Variants in PTGFRN observed in about 807,000 individuals in gnomAD.
The protein encoded by PTGFRN is prostaglandin F2 receptor inhibitor.
A neutral mutation model predicts 83.2 loss-of-function variants in PTGFRN; 35 were observed. The observed-to-expected ratio is 0.42, with a 90% CI of 0.32 to 0.56. PTGFRN has a LOEUF of 0.56. Among genes scored for constraint, PTGFRN ranks in the 20% least tolerant of loss-of-function variants. PTGFRN has a pLI of 0.11. For synonymous variants in PTGFRN, 519 were observed against 498.6 expected (o/e 1.04, Z -0.55); for missense variants, 1,051 against 1,179.5 (o/e 0.89, Z 1.60).
chr1:116,960,049 T>G (rs1404232662), intron 4 of PTGFRN, among the ~76,000 whole-genome samples: 1 of 152,068 alleles, frequency 6.6e-6, no homozygotes, highest in African/African-American at 2.4e-5. Flanking sequence ...ATTTACTGAG[T>G]GCCTACTGCA....
At chr1:116,965,806 G>A (rs1650811214) in intron 5 of PTGFRN, among the ~76,000 whole-genome samples, 1 of 152,076 alleles carries the variant, frequency 6.6e-6, no homozygotes. Flanking sequence ...AGGGATTTTT[G>A]TATTTATTTG....
At position 116,984,713 on chromosome 1, in the gene PTGFRN, T is replaced by C; in HGVS notation, c.2201T>C (p.Val734Ala). The change falls in exon 8 of 9, where the codon GTG becomes GCG. Residue 734 changes from valine to alanine, a missense_variant. Val to Ala is a moderately conservative substitution (Grantham distance 64). Coordinates refer to ENST00000393203, the MANE Select transcript of PTGFRN (RefSeq NM_020440.4). ...GCCTTTGATGTGTCCTGGTTTGCGG[T>C]GCACTCTTTTGGCCTGGACAAGGCT... The part of the protein sequence containing the change: ...DMAFDVSWFA[V>A]HSFGLDKAPV... 1 of 1,614,174 alleles carries C rather than the reference T, an allele frequency of 6.2e-7. No homozygotes were observed.
chr1:116,942,632 G>A (rs1650091527), intron 2 of PTGFRN, among the ~76,000 whole-genome samples: 1 of 152,216 alleles, frequency 6.6e-6, no homozygotes, highest in Admixed American at 6.5e-5. Context: ...CAAAGTTCAT[G>A]TCTTTCTCTG....
intron 1 of PTGFRN, among the ~76,000 whole-genome samples, chr1:116,919,825 T>C (rs529170852): frequency 6.6e-6 from 1 of 152,332 alleles, no homozygotes; most frequent in African/African-American, 2.4e-5. Flanking sequence ...TGTGATAACA[T>C]TTGTTTCCTT....
rs756460965 is a variant in PTGFRN at position 116,984,938 on chromosome 1, A to C, written c.2426A>C (p.Glu809Ala). The change falls in exon 8 of 9, where the codon GAG becomes GCG. Residue 809 changes from glutamate (E) to alanine (A), a missense_variant. By Grantham distance (107) the Glu-to-Ala change is moderately radical. Transcript: ENST00000393203. The part of the protein sequence containing the change: ...VKSPTGSWQK[E>A]AEIHSKPVFI... ...TCACCAACAGGTTCCTGGCAGAAGG[A>C]GGCAGAGATCCACTCCAAGCCCGTT... 2.0e-5 allele frequency: 33 copies of C among 1,614,060 alleles called. No homozygotes were observed. The highest frequency in any genetic ancestry group is 2.8e-5 in the Non-Finnish European group (33 of 1,180,028).
In PTGFRN at chr1:116,949,548, G is replaced by T; in HGVS notation, c.1189G>T (p.Ala397Ser). Residue 397 changes from alanine to serine, a missense_variant, in exon 4 of 9, where the codon GCT becomes TCT. This residue lies in a region of PTGFRN where 719 missense variants were observed against 836.6 expected (regional missense o/e 0.86). Transcript: ENST00000393203. ...HKVAEAVSSP[A>S]GVGVTWLEPD... ...AGTGGCAGAGGCCGTGTCTTCCCCAGCTGGTGTGGGTGTGACCTGGCTAGG... is the reference window on the plus strand; with the variant it reads ...AGTGGCAGAGGCCGTGTCTTCCCCATCTGGTGTGGGTGTGACCTGGCTAGG... 6.2e-7 allele frequency: 1 copy of T among 1,613,498 alleles called. No individual in the cohort carries two copies. Among genetic ancestry groups the T allele is most frequent in the Non-Finnish European group, 8.5e-7 (1 of 1,179,946 alleles).
rs143295352 is a variant in PTGFRN at position 116,946,191 on chromosome 1, G to A, written c.832+1099G>A. Among the ~76,000 whole-genome samples the A allele has an allele frequency of 3.8e-3, 578 of 152,296 alleles. 4 individuals carry two copies. The highest frequency in any genetic ancestry group is 3.2e-3 in the Non-Finnish European group (219 of 68,010). On this transcript the variant is annotated intron_variant, in intron 3 of 8. Transcript: ENST00000393203. The stretch of plus-strand genomic sequence containing the variant: ...CTCTGTTACTCAGATGGGAAGGAAA[G>A]CAGGAAACAACACGCAGGGGGAATA...
intron 1 of PTGFRN, 146 bp downstream of exon 1, chr1:116,910,398 CG>C (rs942578681): frequency 3.1e-5 from 20 of 649,190 alleles, no homozygotes; most frequent in Non-Finnish European, 3.6e-5. Context: ...GCGGGTTGTT[CG>C]GCCCGGCGGG....
At chr1:116,916,393 G>C (rs1649407096) in intron 1 of PTGFRN, among the ~76,000 whole-genome samples, 1 of 152,186 alleles carries the variant, frequency 6.6e-6, no homozygotes, top group African/African-American at 2.4e-5. Flanking sequence ...ATGAAATAGA[G>C]ATAGTGGGCA....
chr1:116,938,814 G>C (rs564564663), intron 1 of PTGFRN, among the ~76,000 whole-genome samples: 16 of 152,298 alleles, frequency 1.1e-4, no homozygotes, highest in Non-Finnish European at 1.9e-4. Flanking sequence ...ATAAAAAGTA[G>C]GTTAGTTACT....
intron 1 of PTGFRN, among the ~76,000 whole-genome samples, chr1:116,914,017 T>C (rs185226614): frequency 1.3e-5 from 2 of 152,372 alleles, no homozygotes; most frequent in East Asian, 3.9e-4. Flanking sequence ...TCAGGTAGGC[T>C]AAACTGCTCT....
At chr1:116,959,898 C>T (rs548809126) in intron 4 of PTGFRN, among the ~76,000 whole-genome samples, 1 of 152,074 alleles carries the variant, frequency 6.6e-6, no homozygotes, top group Admixed American at 6.5e-5. Context: ...AACGCTGGAA[C>T]CTGGGAGGCA....
intron 6 of PTGFRN, among the ~76,000 whole-genome samples, chr1:116,972,503 T>C (rs1287419803): frequency 6.6e-5 from 10 of 152,190 alleles, no homozygotes. Flanking sequence ...AAAATGAAAA[T>C]ATAGCCCTTT....
chr1:116,973,604 CAAAAAA>C (rs547665093), intron 6 of PTGFRN, among the ~76,000 whole-genome samples: 1 of 107,148 alleles, frequency 9.3e-6, no homozygotes, highest in Admixed American at 1.1e-4. Context: ...GACTCAATCT[CAAAAAA>C]AAAAAAAAAA....
At chr1:116,978,163 A>G (rs1311636111) in intron 7 of PTGFRN, among the ~76,000 whole-genome samples, 2 of 152,240 alleles carry the variant, frequency 1.3e-5, no homozygotes, top group Admixed American at 1.3e-4. Context: ...CCCTCCCAAG[A>G]CTAAACCAGG....
rs563122457 is a variant in PTGFRN at position 116,941,377 on chromosome 1, A to G, written c.50-338A>G. The stretch of plus-strand genomic sequence containing the variant: ...TGCCCTTTTATTTCACACAAAACCT[A>G]AAATATTTTTACATCACATGGAGTG... On this transcript the variant is annotated intron_variant, in intron 1 of 8. Coordinates refer to ENST00000393203, the MANE Select transcript of PTGFRN (RefSeq NM_020440.4). This position sits in a 1 kb window ranked among gnomAD's most constrained non-coding sequence, Gnocchi z 5.0. Among the ~76,000 whole-genome samples the G allele has an allele frequency of 1.3e-5, 2 of 152,272 alleles. No individual in the cohort carries two copies. Among genetic ancestry groups the G allele is most frequent in the African/African-American group, 4.8e-5 (2 of 41,548 alleles).
At chr1:116,928,194 G>A (rs1649702814) in intron 1 of PTGFRN, among the ~76,000 whole-genome samples, 1 of 152,130 alleles carries the variant, frequency 6.6e-6, no homozygotes, top group South Asian at 2.1e-4. Flanking sequence ...AACAGACTTT[G>A]TGAGATTTAA....
In PTGFRN at chr1:116,958,007, C is replaced by G. The variant is rs1557742969; in HGVS notation, c.1214-3236C>G. ...TGTATATATACCATATTTTTTTAAT[C>G]CATTCATCTGTTGATGGACACGGGT... On this transcript the variant is annotated intron_variant, in intron 4 of 8. Coordinates refer to ENST00000393203, the MANE Select transcript of PTGFRN (RefSeq NM_020440.4). The surrounding 1 kb of genome is among the most constrained non-coding windows in gnomAD (Gnocchi z 4.9). 6.6e-6 allele frequency among the ~76,000 whole-genome samples: 1 copy of G among 151,648 alleles called. No homozygotes were observed. Among genetic ancestry groups the G allele is most frequent in the African/African-American group, 2.4e-5 (1 of 41,202 alleles).
chr1:116,963,057 G>A (rs145166990), intron 5 of PTGFRN, among the ~76,000 whole-genome samples: 155 of 152,242 alleles, frequency 1.0e-3, no homozygotes, highest in African/African-American at 3.4e-3. Context: ...CTCTCGGTTT[G>A]CATTAGACTG....
Sources: gnomAD v4.1 joint callset for allele counts (sites outside exome capture counted in the v4.1 genomes callset) on GRCh38, gnomAD v4.1.1 for gene constraint, gnomAD v4.1.1 regional missense constraint, Gnocchi (gnomAD v3.1) non-coding constraint, MANE v1.5 for transcripts, NCBI Gene and HGNC (gene_info 2026-07-23, HGNC 2026-07-21) for gene names.